FAM227B: variants seen among roughly 807,000 people sequenced by gnomAD.
FAM227B encodes the protein protein FAM227B.
A neutral mutation model predicts 73.8 loss-of-function variants in FAM227B; 88 were observed. That is an observed-to-expected ratio of 1.19 (90% CI 1.00 to 1.42). The LOEUF (loss-of-function observed/expected upper bound fraction) is 1.42. Among genes scored for constraint, FAM227B ranks in the 40% most tolerant of loss-of-function variants. The pLI, the probability that FAM227B is intolerant of heterozygous loss-of-function variation, is 0.00. For synonymous variants in FAM227B, 210 were observed against 190.5 expected, an observed-to-expected ratio of 1.10 and a Z score of -0.84; for missense variants, 632 against 590.9, an observed-to-expected ratio of 1.07 and a Z score of -0.72.
intron 13 of FAM227B, among the ~76,000 whole-genome samples, chr15:49,357,750 A>G (rs2043426297): frequency 6.6e-6 from 1 of 152,182 alleles, no homozygotes; most frequent in African/African-American, 2.4e-5. Flanking sequence ...GGCCAGCATC[A>G]TTCTGATACC....
At chr15:49,343,575 G>C (rs1487948143) in intron 13 of FAM227B, 2 of 152,134 alleles carry the variant, frequency 1.3e-5, no homozygotes, top group African/African-American at 4.8e-5. Context: ...GCCATCCCAG[G>C]AAGTTTCTTC....
intron 11 of FAM227B, among the ~76,000 whole-genome samples, chr15:49,414,869 T>C (rs1386580763): frequency 6.6e-6 from 1 of 152,162 alleles, no homozygotes; most frequent in Non-Finnish European, 1.5e-5. Flanking sequence ...TAGCTGAGGA[T>C]AGAAATAACG....
intron 11 of FAM227B, among the ~76,000 whole-genome samples, chr15:49,429,980 G>T (rs1007030018): frequency 6.6e-6 from 1 of 151,894 alleles, no homozygotes; most frequent in Admixed American, 6.6e-5. Context: ...GGGGTCTTGG[G>T]AATGTTTCAG....
intron 11 of FAM227B, among the ~76,000 whole-genome samples, chr15:49,442,094 T>C (rs2051707178): frequency 6.6e-6 from 1 of 151,698 alleles, no homozygotes; most frequent in Admixed American, 6.6e-5. Context: ...AAAACTTCAG[T>C]GAATAAAGGT....
chr15:49,392,669 G>A (rs1171606777), intron 11 of FAM227B, among the ~76,000 whole-genome samples: 1 of 152,168 alleles, frequency 6.6e-6, no homozygotes, highest in African/African-American at 2.4e-5. Context: ...CATCTGTCAA[G>A]AAATAATGCG....
At chr15:49,554,933 G>C (rs1156593004) in intron 9 of FAM227B, among the ~76,000 whole-genome samples, 9 of 152,004 alleles carry the variant, frequency 5.9e-5, no homozygotes, top group African/African-American at 1.5e-4. Context: ...TGTTTGCTAG[G>C]TGGATTTTTC....
chr15:49,611,220 T>G lies in FAM227B; in HGVS notation c.100A>C (p.Asn34His). 2.5e-6 allele frequency: 4 copies of G among 1,585,050 alleles called. No individual in the cohort carries two copies. The highest frequency in any genetic ancestry group is 3.5e-6 in the Non-Finnish European group (4 of 1,156,408). Residue 34 changes from asparagine (N) to histidine (H), a missense_variant, in exon 3 of 16, where the codon AAT becomes CAT. Transcript: ENST00000299338. ...KSIEEFLKFQ[N>H]WDYWPREIHF... Reference sequence around the variant, plus strand: ...AAATAAGATGCTTTACTCACCCAATTTTGAAACTTTAAGAATTCTTCAATG... The same window carrying G: ...AAATAAGATGCTTTACTCACCCAATGTTGAAACTTTAAGAATTCTTCAATG...
chr15:49,566,138 A>T (rs1208390457), intron 9 of FAM227B, among the ~76,000 whole-genome samples: 1 of 152,226 alleles, frequency 6.6e-6, no homozygotes, highest in Non-Finnish European at 1.5e-5. Flanking sequence ...TTAATCTATT[A>T]GTGCTCAAAT....
chr15:49,418,432 T>C (rs564213874), intron 11 of FAM227B, among the ~76,000 whole-genome samples: 21 of 152,340 alleles, frequency 1.4e-4, no homozygotes, highest in Non-Finnish European at 2.6e-4. Flanking sequence ...AATGGTAGAC[T>C]GGATAAAGAA....
At chr15:49,329,766 G>A in intron 15 of FAM227B, 3 of 948,490 alleles carry the variant, frequency 3.2e-6, no homozygotes, top group Non-Finnish European at 3.8e-6. Context: ...CAAAGGATTT[G>A]TGGTTGGTAT....
chr15:49,574,291 C>T (rs2075306368), intron 8 of FAM227B, among the ~76,000 whole-genome samples: 1 of 152,048 alleles, frequency 6.6e-6, no homozygotes, highest in African/African-American at 2.4e-5. Context: ...CCCAGATACC[C>T]CCTCTGATAT....
chr15:49,515,774 C>G (rs79011262), intron 10 of FAM227B, among the ~76,000 whole-genome samples: 4,980 of 152,270 alleles, frequency 0.033, 116 homozygotes, highest in Non-Finnish European at 0.052. Context: ...GTTTGTCTAT[C>G]AACTTTAGAT....
intron 11 of FAM227B, among the ~76,000 whole-genome samples, chr15:49,421,020 A>G (rs536275263): frequency 2.0e-5 from 3 of 152,268 alleles, no homozygotes; most frequent in African/African-American, 4.8e-5. Context: ...AATTCTTTGA[A>G]GCCAGCAATG....
chr15:49,474,769 G>A (rs1218119777), intron 11 of FAM227B, among the ~76,000 whole-genome samples: 2 of 152,060 alleles, frequency 1.3e-5, no homozygotes. Flanking sequence ...AATCTCATAG[G>A]AGCGTGAACC....
chr15:49,425,360 T>C (rs2050032381), intron 11 of FAM227B: 1 of 152,040 alleles, frequency 6.6e-6, no homozygotes, highest in Non-Finnish European at 1.5e-5. Context: ...TATGTTAAAA[T>C]ATCAGGGTTG....
intron 10 of FAM227B, among the ~76,000 whole-genome samples, chr15:49,520,426 C>T (rs1289962007): frequency 6.6e-6 from 1 of 152,126 alleles, no homozygotes; most frequent in Admixed American, 6.5e-5. Flanking sequence ...CACATTTTTG[C>T]GTATCTTAAT....
chr15:49,368,500 AC>A (rs2045536841), intron 12 of FAM227B, among the ~76,000 whole-genome samples: 1 of 152,160 alleles, frequency 6.6e-6, no homozygotes. Flanking sequence ...CAGCTACAGA[AC>A]CATTTCAAAT....
At chr15:49,453,531 C>A (rs1325406349) in intron 11 of FAM227B, among the ~76,000 whole-genome samples, 1 of 152,180 alleles carries the variant, frequency 6.6e-6, no homozygotes, top group Non-Finnish European at 1.5e-5. Flanking sequence ...GGTTCAGTAG[C>A]CACATGTGGC....
chr15:49,454,632 C>G (rs190728519), intron 11 of FAM227B, among the ~76,000 whole-genome samples: 1 of 152,048 alleles, frequency 6.6e-6, no homozygotes, highest in African/African-American at 2.4e-5. Context: ...TTTTTTGAGA[C>G]GAAGTCTCGC....
Sources: allele counts gnomAD v4.1 joint callset (sites outside exome capture counted in the v4.1 genomes callset), GRCh38; gene constraint gnomAD v4.1.1; transcripts MANE v1.5; gene names NCBI Gene and HGNC (gene_info 2026-07-23, HGNC 2026-07-21).